NLGN1: variants seen among roughly 807,000 people sequenced by gnomAD.
The protein encoded by NLGN1 is neuroligin-1.
NLGN1 carries 12 observed loss-of-function variants against 65.5 expected under a neutral mutation model. The observed-to-expected ratio is 0.18, with a 90% CI of 0.12 to 0.30. The LOEUF is 0.30. Ranked by LOEUF, NLGN1 falls within the 10% of genes least tolerant of loss-of-function variation. The pLI is 1.00. For missense variants in NLGN1, 750 were observed against 1,007.1 expected, an observed-to-expected ratio of 0.74 and a Z score of 3.46; for synonymous variants, 350 against 359.5, an observed-to-expected ratio of 0.97 and a Z score of 0.30.
intron 3 of NLGN1, among the ~76,000 whole-genome samples, chr3:173,612,622 G>C (rs1277564980): frequency 6.6e-6 from 1 of 151,966 alleles, no homozygotes; most frequent in Non-Finnish European, 1.5e-5. Context: ...ACAGGTGCTG[G>C]CCCCTAGACT....
At chr3:174,002,161 T>C (rs768457377) in intron 4 of NLGN1, among the ~76,000 whole-genome samples, 10 of 152,028 alleles carry the variant, frequency 6.6e-5, no homozygotes, top group Non-Finnish European at 1.5e-4. Flanking sequence ...GGAGTCTTGC[T>C]CTGTTGCCCA....
intron 4 of NLGN1, among the ~76,000 whole-genome samples, chr3:174,120,906 T>C (rs1392166556): frequency 1.3e-5 from 2 of 152,206 alleles, no homozygotes; most frequent in East Asian, 3.9e-4. Flanking sequence ...ACTGGCTATA[T>C]TCCTGACTCT....
At chr3:173,434,766 A>G (rs1717800153) in intron 1 of NLGN1, among the ~76,000 whole-genome samples, 2 of 152,230 alleles carry the variant, frequency 1.3e-5, no homozygotes, top group Admixed American at 6.5e-5. Flanking sequence ...TTCAGTGTTT[A>G]AGAAGCTTTC....
rs114600306 is a variant in NLGN1, at chr3:173,503,602, A to G, written c.-321+68524A>G. 6.3e-3 allele frequency among the ~76,000 whole-genome samples: 961 copies of G among 152,212 alleles called. 14 individuals are homozygous for G. Among genetic ancestry groups the G allele is most frequent in the African/African-American group, 0.022 (930 of 41,566 alleles). On this transcript the variant is annotated intron_variant, in intron 2 of 6. Coordinates refer to ENST00000457714, the Ensembl canonical transcript of NLGN1. ...GTTTTTCACTTAAAAGATTGTTGAT[A>G]AATTTGGCCTACTAAGCTGTTACAG...
intron 4 of NLGN1, among the ~76,000 whole-genome samples, chr3:174,227,941 CT>C: frequency 6.6e-6 from 1 of 152,044 alleles, no homozygotes; most frequent in East Asian, 1.9e-4. Flanking sequence ...AGAATCAAAT[CT>C]GATATTATTT....
In NLGN1 at chr3:174,167,596, T is replaced by C. The variant is rs201354910; in HGVS notation, c.647-107719T>C. Among the ~76,000 whole-genome samples, 795 of 145,490 alleles carry C rather than the reference T, an allele frequency of 5.5e-3. 14 individuals carry two copies. Among genetic ancestry groups the C allele is most frequent in the African/African-American group, 0.018 (708 of 38,974 alleles). ...CCCTTTGTATGTGATCTGCCCCCTTTTTTTTTTTTTTTTAACCTAGTTGCC... is the reference window on the plus strand; with the variant it reads ...CCCTTTGTATGTGATCTGCCCCCTTCTTTTTTTTTTTTTAACCTAGTTGCC... On this transcript the variant is annotated intron_variant, in intron 4 of 6. Coordinates refer to ENST00000457714, the Ensembl canonical transcript of NLGN1.
chr3:173,889,950 C>T (rs765775629), intron 4 of NLGN1, among the ~76,000 whole-genome samples: 12 of 151,550 alleles, frequency 7.9e-5, no homozygotes, highest in Non-Finnish European at 1.5e-4. Flanking sequence ...AGAGATTTTG[C>T]CAAAAATAAA....
chr3:173,872,900 A>G (rs900323010), intron 4 of NLGN1, among the ~76,000 whole-genome samples: 3 of 151,930 alleles, frequency 2.0e-5, no homozygotes, highest in Non-Finnish European at 4.4e-5. Flanking sequence ...TCTTTATTAC[A>G]TAAGGAGACA....
intron 4 of NLGN1, among the ~76,000 whole-genome samples, chr3:174,077,012 C>T (rs1247690763): frequency 1.3e-5 from 2 of 152,058 alleles, no homozygotes; most frequent in South Asian, 2.1e-4. Flanking sequence ...AATTAACATA[C>T]AGAATTCTCT....
chr3:174,106,980 TCACACACA>T (rs370193288), intron 4 of NLGN1, among the ~76,000 whole-genome samples: 164 of 113,166 alleles, frequency 1.4e-3, no homozygotes, highest in Admixed American at 3.1e-3. Context: ...TCTTCAAGAA[TCACACACA>T]CACACACACA....
chr3:173,550,757 A>G (rs911356071), intron 2 of NLGN1, among the ~76,000 whole-genome samples: 13 of 151,980 alleles, frequency 8.6e-5, no homozygotes, highest in African/African-American at 3.1e-4. Context: ...CACAGGCGTT[A>G]ATGGTACACT....
At chr3:174,049,448 A>G (rs1219050483) in intron 4 of NLGN1, among the ~76,000 whole-genome samples, 3 of 152,054 alleles carry the variant, frequency 2.0e-5, no homozygotes, top group African/African-American at 4.8e-5. Flanking sequence ...GGGAGTTCTC[A>G]TTACACCATG....
chr3:174,095,719 G>C (rs952980632), intron 4 of NLGN1, among the ~76,000 whole-genome samples: 45 of 151,632 alleles, frequency 3.0e-4, no homozygotes, highest in African/African-American at 1.1e-3. Context: ...ATAATTTTAG[G>C]CTGGGCACAG....
At chr3:173,558,583 C>A (rs1286089722) in intron 2 of NLGN1, among the ~76,000 whole-genome samples, 1 of 152,132 alleles carries the variant, frequency 6.6e-6, no homozygotes, top group Non-Finnish European at 1.5e-5. Flanking sequence ...ACAGGACCTA[C>A]CCCATTCAGT....
At chr3:174,009,150 G>C (rs547965155) in intron 4 of NLGN1, among the ~76,000 whole-genome samples, 3 of 152,234 alleles carry the variant, frequency 2.0e-5, no homozygotes, top group African/African-American at 7.2e-5. Context: ...GTCCTCACAT[G>C]GTTAAGAGAG....
At chr3:174,028,629 T>C (rs560208488) in intron 4 of NLGN1, among the ~76,000 whole-genome samples, 5 of 152,304 alleles carry the variant, frequency 3.3e-5, no homozygotes, top group South Asian at 2.1e-4. Context: ...TTGGAACTTA[T>C]GTTTAAAAGG....
At chr3:173,592,840 A>T (rs1042066382) in intron 2 of NLGN1, among the ~76,000 whole-genome samples, 1 of 152,152 alleles carries the variant, frequency 6.6e-6, no homozygotes. Context: ...GATTCTCATC[A>T]TAGTTTGGAT....
intron 2 of NLGN1, among the ~76,000 whole-genome samples, chr3:173,584,174 A>G (rs1056431229): frequency 6.6e-6 from 1 of 151,114 alleles, no homozygotes; most frequent in African/African-American, 2.4e-5. Context: ...GTAGTCATAT[A>G]CTATTCATGT....
chr3:173,909,503 C>T lies in NLGN1; in HGVS notation c.646+101671C>T, dbSNP rs564616614. ...TAGACCTTACAATTTGAAATGAAGA[C>T]TCACTTGTTCAATTTCCACTATTGA... On this transcript the variant is annotated intron_variant, in intron 4 of 6. Transcript: ENST00000457714. Among the ~76,000 whole-genome samples the T allele has an allele frequency of 1.5e-4, 23 of 152,304 alleles. No individual in the cohort carries two copies. The East Asian group carries it at 3.7e-3, about 24-fold the overall frequency.
Sources: allele counts gnomAD v4.1 joint callset (sites outside exome capture counted in the v4.1 genomes callset), GRCh38; gene constraint gnomAD v4.1.1; transcripts MANE v1.5; gene names NCBI Gene and HGNC (gene_info 2026-07-23, HGNC 2026-07-21).